TLN2: variants seen among roughly 807,000 people sequenced by gnomAD.
TLN2 encodes the protein talin-2.
Under a neutral mutation model 294.7 loss-of-function variants are expected in TLN2, and 118 were observed. The ratio of observed to expected loss-of-function variants is 0.40; its 90% CI spans 0.34 to 0.47. The LOEUF (loss-of-function observed/expected upper bound fraction) is 0.47. TLN2 is among the 20% of genes least tolerant of loss of function. The pLI is 0.84. For synonymous variants in TLN2, 1,431 were observed against 1,304.5 expected, an observed-to-expected ratio of 1.10 and a Z score of -2.09; for missense variants, 3,083 against 3,282.2, an observed-to-expected ratio of 0.94 and a Z score of 1.48.
At chr15:62,632,860 G>T (rs1053334538) in intron 3 of TLN2, among the ~76,000 whole-genome samples, 1 of 152,136 alleles carries the variant, frequency 6.6e-6, no homozygotes, top group African/African-American at 2.4e-5. Flanking sequence ...ATGGAGGAGC[G>T]AACTGACAAG....
intron 55 of TLN2, chr15:62,834,509 G>C (rs560947726): frequency 1.3e-5 from 2 of 152,220 alleles, no homozygotes; most frequent in Non-Finnish European, 2.9e-5. Context: ...CCTCACCATA[G>C]GCTGTACATC....
chr15:62,793,090 C>G (rs1487290350), intron 46 of TLN2, among the ~76,000 whole-genome samples: 1 of 152,216 alleles, frequency 6.6e-6, no homozygotes, highest in Admixed American at 6.5e-5. Context: ...CCATCAGCAG[C>G]CAGGAGCCCC....
chr15:62,410,563 C>T (rs1016562938), intron 1 of TLN2, among the ~76,000 whole-genome samples: 20 of 152,176 alleles, frequency 1.3e-4, no homozygotes, highest in African/African-American at 3.9e-4. Context: ...CCCTCAAGGA[C>T]CCTCTCTGTT....
intron 38 of TLN2, 104 bp downstream of exon 38, chr15:62,761,925 G>A (rs193148497): frequency 1.4e-6 from 2 of 1,442,454 alleles, no homozygotes; most frequent in Admixed American, 1.7e-5. Context: ...CTGTCAACAT[G>A]TAGGCTACTG....
chr15:62,441,698 C>T (rs1335833448), intron 1 of TLN2, among the ~76,000 whole-genome samples: 2 of 152,164 alleles, frequency 1.3e-5, no homozygotes, highest in East Asian at 3.8e-4. Flanking sequence ...CACAAGATTG[C>T]CCACTTCAGA....
chr15:62,618,868 G>A (rs2048530855), intron 3 of TLN2, among the ~76,000 whole-genome samples: 1 of 152,208 alleles, frequency 6.6e-6, no homozygotes, highest in Non-Finnish European at 1.5e-5. Flanking sequence ...GTTAGAAAAT[G>A]TGCATTGTTA....
rs2070693931 is a variant in TLN2, at chr15:62,841,474, C to T, written c.*864C>T. On this transcript the variant is annotated 3_prime_UTR_variant, in exon 59 of 59. Coordinates refer to ENST00000636159, the MANE Select transcript of TLN2 (RefSeq NM_015059.3). ...GGGATTCTGCTGGAATAAAGAGCTT[C>T]CTCAGTGACTCATCTTTAGGTCCCA... 1 of 152,180 alleles carries T rather than the reference C, an allele frequency of 6.6e-6. No individual in the cohort carries two copies. The highest frequency in any genetic ancestry group is 1.5e-5 in the Non-Finnish European group (1 of 68,038). 9.4% of individuals were successfully genotyped at this position (152,180 alleles called of 1,614,324 possible). A position where few individuals can be genotyped will look rare whatever the true frequency, so the allele number is the denominator to read the frequency against.
chr15:62,731,105 AG>A (rs1161797987), intron 28 of TLN2, among the ~76,000 whole-genome samples: 1 of 152,016 alleles, frequency 6.6e-6, no homozygotes, highest in African/African-American at 2.4e-5. Context: ...TTTAATTGTA[AG>A]TATCATATTT....
At chr15:62,726,449 G>A (rs181402040) in intron 27 of TLN2, among the ~76,000 whole-genome samples, 333 of 152,106 alleles carry the variant, frequency 2.2e-3, no homozygotes, top group Non-Finnish European at 3.4e-3. Flanking sequence ...TACTGACTTC[G>A]TTCCCTGAAT....
At chr15:62,622,390 A>T (rs1252202105) in intron 3 of TLN2, among the ~76,000 whole-genome samples, 1 of 151,980 alleles carries the variant, frequency 6.6e-6, no homozygotes, top group East Asian at 1.9e-4. Flanking sequence ...ATTTGGAGGG[A>T]CTCCTGTTCC....
At chr15:62,815,177 T>TCTCACACACACACA (rs1349363288) in intron 52 of TLN2, among the ~76,000 whole-genome samples, 4 of 140,592 alleles carry the variant, frequency 2.8e-5, no homozygotes, top group African/African-American at 1.1e-4. Flanking sequence ...ATTCTGTCTG[T>TCTCACACACACACA]CACACACACA....
intron 1 of TLN2, among the ~76,000 whole-genome samples, chr15:62,474,585 G>A (rs1376065406): frequency 6.6e-6 from 1 of 152,320 alleles, no homozygotes; most frequent in Non-Finnish European, 1.5e-5. Flanking sequence ...AGGCCGCAGT[G>A]AGCTATGATT....
At chr15:62,544,427 T>C (rs2140530864) in intron 1 of TLN2, among the ~76,000 whole-genome samples, 1 of 152,298 alleles carries the variant, frequency 6.6e-6, no homozygotes, top group Middle Eastern at 3.4e-3. Context: ...TGGTGATTAC[T>C]GGAAAAGGAG....
At chr15:62,615,097 C>T (rs548433709) in intron 2 of TLN2, among the ~76,000 whole-genome samples, 51 of 152,288 alleles carry the variant, frequency 3.3e-4, no homozygotes, top group Non-Finnish European at 5.7e-4. Context: ...TGAGCCACCA[C>T]GCCTGGCCTA....
chr15:62,496,597 A>C (rs1031804720), intron 1 of TLN2, among the ~76,000 whole-genome samples: 2 of 152,172 alleles, frequency 1.3e-5, no homozygotes, highest in Non-Finnish European at 2.9e-5. Flanking sequence ...CACTGTTTAA[A>C]GGATGGAGAA....
chr15:62,821,643 G>A (rs1266316306), intron 54 of TLN2, among the ~76,000 whole-genome samples: 15 of 152,080 alleles, frequency 9.9e-5, no homozygotes, highest in African/African-American at 2.7e-4. Context: ...CCTAATAGTC[G>A]CTCTGGACTT....
At chr15:62,779,576 G>C (rs1192165534) in intron 43 of TLN2, among the ~76,000 whole-genome samples, 1 of 152,190 alleles carries the variant, frequency 6.6e-6, no homozygotes, top group Non-Finnish European at 1.5e-5. Context: ...TCTTTGGCTG[G>C]TGGCCACTGG....
chr15:62,482,795 C>G (rs1397830105), intron 1 of TLN2, among the ~76,000 whole-genome samples: 5 of 151,952 alleles, frequency 3.3e-5, no homozygotes, highest in African/African-American at 1.2e-4. Context: ...ACCTGCAGAC[C>G]CAGCGGTGGC....
chr15:62,694,841 G>C (rs1314363254), intron 14 of TLN2, among the ~76,000 whole-genome samples: 1 of 152,176 alleles, frequency 6.6e-6, no homozygotes, highest in Non-Finnish European at 1.5e-5. Context: ...AGTGCTGTGA[G>C]GTAGCATAGT....
Sources: gnomAD v4.1 joint callset for allele counts (sites outside exome capture counted in the v4.1 genomes callset) on GRCh38, gnomAD v4.1.1 for gene constraint, MANE v1.5 for transcripts, NCBI Gene and HGNC (gene_info 2026-07-23, HGNC 2026-07-21) for gene names.